Variants in CMC1 observed in about 807,000 individuals in gnomAD.
CMC1 encodes C-X9-C motif containing 1, also known as COX assembly mitochondrial protein homolog.
CMC1 carries 14 observed loss-of-function variants against 14.1 expected under a neutral mutation model. The ratio of observed to expected loss-of-function variants is 0.99; its 90% CI spans 0.66 to 1.55. The LOEUF is 1.55. Among genes scored for constraint, CMC1 ranks in the 40% most tolerant of loss-of-function variants. The pLI is 0.00. For synonymous variants in CMC1, 50 were observed against 38.4 expected, an observed-to-expected ratio of 1.30 and a Z score of -1.12; for missense variants, 127 against 123.8, an observed-to-expected ratio of 1.03 and a Z score of -0.12.
intron 2 of CMC1, among the ~76,000 whole-genome samples, chr3:28,271,641 C>T (rs1220465985): frequency 6.6e-6 from 1 of 152,106 alleles, no homozygotes; most frequent in Non-Finnish European, 1.5e-5. Flanking sequence ...GATGCCTCCA[C>T]CTTTGTTCTT....
chr3:28,306,158 T>C (rs1702295477), intron 2 of CMC1, among the ~76,000 whole-genome samples: 1 of 152,168 alleles, frequency 6.6e-6, no homozygotes, highest in African/African-American at 2.4e-5. Context: ...AGGATTACTT[T>C]GGCTATTTGG....
intron 2 of CMC1, among the ~76,000 whole-genome samples, chr3:28,263,885 A>G (rs933025646): frequency 6.6e-5 from 10 of 152,144 alleles, no homozygotes; most frequent in African/African-American, 1.9e-4. Context: ...GAAGATATTT[A>G]TGTAAATACA....
In CMC1 at chr3:28,241,688, G is replaced by T. The variant is rs1021409027; in HGVS notation, c.-106G>T. ...AGGGCCCGTGTTTCTGTTGCGGGAA[G>T]CTCCCGGGGGTCGCACGTGCGTCCG... On this transcript the variant is annotated 5_prime_UTR_variant, in exon 1 of 4. Transcript: ENST00000466830. 1 of 1,236,172 alleles carries T rather than the reference G, an allele frequency of 8.1e-7. No individual in the cohort carries two copies. Among genetic ancestry groups the T allele is most frequent in the Non-Finnish European group, 1.0e-6 (1 of 987,926 alleles). The allele number at this position is 1,236,172 out of a possible 1,614,324, so 76.6% of individuals were successfully genotyped here.
chr3:28,289,076 A>C (rs1264513321), intron 2 of CMC1, among the ~76,000 whole-genome samples: 1 of 151,334 alleles, frequency 6.6e-6, no homozygotes, highest in African/African-American at 2.4e-5. Context: ...GAGTTTCTTT[A>C]AATATATTTT....
intron 1 of CMC1, among the ~76,000 whole-genome samples, chr3:28,258,085 T>TATATATATATAC (rs1481573780): frequency 3.5e-5 from 5 of 144,916 alleles, no homozygotes; most frequent in African/African-American, 1.3e-4. Context: ...TATATATATA[T>TATATATATATAC]ACTTACAATT....
At chr3:28,277,652 A>T (rs998886660) in intron 2 of CMC1, among the ~76,000 whole-genome samples, 1 of 152,240 alleles carries the variant, frequency 6.6e-6, no homozygotes, top group Non-Finnish European at 1.5e-5. Flanking sequence ...AGAAAGTGAC[A>T]TGTGGACCAA....
chr3:28,290,140 C>A (rs1701393779), intron 2 of CMC1, among the ~76,000 whole-genome samples: 1 of 152,004 alleles, frequency 6.6e-6, no homozygotes, highest in Non-Finnish European at 1.5e-5. Context: ...CTTTCAGGTC[C>A]CAGTTTCTGT....
rs1198097290 is a variant in CMC1, at chr3:28,316,332, G to C, written c.110-1G>C. On this transcript the variant is annotated splice_acceptor_variant, in intron 2 of 3. Coordinates refer to ENST00000466830, the MANE Select transcript of CMC1 (RefSeq NM_182523.2). LOFTEE classifies it high-confidence loss of function. ...ATTTTTTCCTTCCAAATTTATTTCA[G>C]ATTTTACCAAATGTTGCAAGAACTC... 1.3e-6 allele frequency: 2 copies of C among 1,530,122 alleles called. No individual in the cohort carries two copies. The highest frequency in any genetic ancestry group is 1.8e-6 in the Non-Finnish European group (2 of 1,131,342). 94.8% of individuals were successfully genotyped at this position (1,530,122 alleles called of 1,614,324 possible). A position where few individuals can be genotyped will look rare whatever the true frequency, so the allele number is the denominator to read the frequency against.
In CMC1 at chr3:28,270,243, A is replaced by G. The variant is rs569216216; in HGVS notation, c.109+6863A>G. On this transcript the variant is annotated intron_variant, in intron 2 of 3. Transcript: ENST00000466830. Reference sequence around the variant, plus strand: ...ATACACATGCATATATCTTTATAATAGAATGATTTATATTCCTTTAGGTAT... The same window carrying G: ...ATACACATGCATATATCTTTATAATGGAATGATTTATATTCCTTTAGGTAT... 9.8e-5 allele frequency among the ~76,000 whole-genome samples: 15 copies of G among 152,340 alleles called. 1 individual carries two copies. The South Asian group carries it at 3.1e-3, about 32-fold the overall frequency.
At chr3:28,295,314 T>G (rs1001139805) in intron 2 of CMC1, among the ~76,000 whole-genome samples, 2 of 152,188 alleles carry the variant, frequency 1.3e-5, no homozygotes, top group African/African-American at 4.8e-5. Context: ...GGAATTCGTA[T>G]GAAAATTTAT....
Position 28,321,271 on chromosome 3 carries a change from GT to G in CMC1, c.*1647del, listed in dbSNP as rs1164492336. 1 of 151,274 alleles carries G rather than the reference GT, an allele frequency of 6.6e-6. No homozygotes were observed. The allele number at this position is 151,274 out of a possible 1,614,324, so 9.4% of individuals were successfully genotyped here. On this transcript the variant is annotated 3_prime_UTR_variant, in exon 4 of 4. Coordinates refer to ENST00000466830, the MANE Select transcript of CMC1 (RefSeq NM_182523.2). ...TTTCCTAGAGCACAGGAAGTTAACT[GT>G]TTTTAGAGATAAATGAAAATGGAAG...
chr3:28,324,016 T>C lies in CMC1; in HGVS notation c.*4387T>C, dbSNP rs199679141. ...CCACTGAAAGAGATAAGTGTCCTCA[T>C]GGTGAAATCGTGAATCTCTTCCAAA... On this transcript the variant is annotated 3_prime_UTR_variant, in exon 4 of 4. Coordinates refer to ENST00000466830, the MANE Select transcript of CMC1 (RefSeq NM_182523.2). The C allele has an allele frequency of 8.3e-6, 13 of 1,572,718 alleles. No individual in the cohort carries two copies. The highest frequency in any genetic ancestry group is 1.4e-5 in the African/African-American group (1 of 73,582).
chr3:28,251,682 C>T (rs1174355854), intron 1 of CMC1, among the ~76,000 whole-genome samples: 1 of 152,122 alleles, frequency 6.6e-6, no homozygotes, highest in Admixed American at 6.5e-5. Context: ...TCTCCTATTC[C>T]ATTATCAAAG....
chr3:28,276,239 T>C (rs1157409627), intron 2 of CMC1, among the ~76,000 whole-genome samples: 1 of 152,168 alleles, frequency 6.6e-6, no homozygotes, highest in Non-Finnish European at 1.5e-5. Flanking sequence ...TCAGCCATCT[T>C]GGCCCCAATG....
intron 2 of CMC1, among the ~76,000 whole-genome samples, chr3:28,293,615 T>C (rs1242748033): frequency 6.6e-6 from 1 of 152,160 alleles, no homozygotes; most frequent in Non-Finnish European, 1.5e-5. Flanking sequence ...GGAGTCTTGC[T>C]CTGTCACCTA....
chr3:28,291,559 GT>G (rs1490348586), intron 2 of CMC1, among the ~76,000 whole-genome samples: 106 of 152,022 alleles, frequency 7.0e-4, no homozygotes, highest in African/African-American at 2.3e-3. Context: ...TTGAAGTCTA[GT>G]TTTCTTGAAT....
At chr3:28,309,941 C>A (rs971133074) in intron 2 of CMC1, among the ~76,000 whole-genome samples, 3 of 132,572 alleles carry the variant, frequency 2.3e-5, no homozygotes, top group East Asian at 2.3e-4. Context: ...CTGACGTCCA[C>A]CACACACACA....
chr3:28,258,240 C>A (rs1699527330), intron 1 of CMC1, among the ~76,000 whole-genome samples: 1 of 151,114 alleles, frequency 6.6e-6, no homozygotes, highest in South Asian at 2.1e-4. Context: ...TCTTCCTGGT[C>A]TGTGGCATGC....
Position 28,254,156 on chromosome 3 carries a change from A to G in CMC1, c.20-9135A>G, listed in dbSNP as rs192227695. Reference sequence around the variant, plus strand: ...CTTTAATTCAGTATAAATTTATGTGACTATACAGTAGCAAACTTTCAAAAT... The same window carrying G: ...CTTTAATTCAGTATAAATTTATGTGGCTATACAGTAGCAAACTTTCAAAAT... On this transcript the variant is annotated intron_variant, in intron 1 of 3. Transcript: ENST00000466830. Among the ~76,000 whole-genome samples the G allele has an allele frequency of 9.8e-4, 150 of 152,322 alleles. 1 individual carries two copies. Among genetic ancestry groups the G allele is most frequent in the Middle Eastern group, 6.8e-3 (2 of 294 alleles).
Sources: allele counts gnomAD v4.1 joint callset (sites outside exome capture counted in the v4.1 genomes callset), GRCh38; gene constraint gnomAD v4.1.1; transcripts MANE v1.5; gene names NCBI Gene and HGNC (gene_info 2026-07-23, HGNC 2026-07-21).